DYNC1I2: variants seen among roughly 807,000 people sequenced by gnomAD.
DYNC1I2 encodes the protein dynein cytoplasmic 1 intermediate chain 2, also known as cytoplasmic dynein 1 intermediate chain 2.
Under a neutral mutation model 88.6 loss-of-function variants are expected in DYNC1I2, and 53 were observed. That is an observed-to-expected ratio of 0.60 (90% CI 0.48 to 0.75). The LOEUF (loss-of-function observed/expected upper bound fraction) is 0.75. Among genes scored for constraint, DYNC1I2 ranks in the 30% least tolerant of loss-of-function variants. DYNC1I2 has a pLI of 0.00. For synonymous variants in DYNC1I2, 198 were observed against 254.6 expected (o/e 0.78, Z 2.12); for missense variants, 458 against 766.6 (o/e 0.60, Z 4.75).
In DYNC1I2 at chr2:171,745,815, G is replaced by A. The variant is rs765487214; in HGVS notation, c.1691G>A (p.Ser564Asn). 76 of 1,613,314 alleles carry A rather than the reference G, an allele frequency of 4.7e-5. No individual in the cohort carries two copies. Among genetic ancestry groups the A allele is most frequent in the Non-Finnish European group, 6.4e-5 (75 of 1,179,470 alleles). Residue 564 changes from serine (S) to asparagine (N), a missense_variant, in exon 17 of 18, where the codon AGC becomes AAC. Physicochemically the swap from Ser to Asn is conservative, Grantham distance 46. Coordinates refer to ENST00000397119, the MANE Select transcript of DYNC1I2 (RefSeq NM_001378.3). ...AAATGACTTTAGGTACCAACTGCCA[G>A]CATTTCTGTGGAGGGTAATCCTGCT... ...LNNDTEVPTA[S>N]ISVEGNPALN...
At chr2:171,741,780 T>A (rs1689442254) in intron 15 of DYNC1I2, among the ~76,000 whole-genome samples, 1 of 152,184 alleles carries the variant, frequency 6.6e-6, no homozygotes, top group Non-Finnish European at 1.5e-5. Context: ...GTATGCTTCC[T>A]TTAAGAGTTT....
chr2:171,738,565 G>A (rs545188897), intron 15 of DYNC1I2, among the ~76,000 whole-genome samples: 1 of 152,284 alleles, frequency 6.6e-6, no homozygotes, highest in Admixed American at 6.5e-5. Context: ...CATAATTGTA[G>A]ATGTCTTTTG....
Position 171,728,373 on chromosome 2 carries a change from T to C in DYNC1I2, c.1212T>C (p.Asp404=), listed in dbSNP as rs1228935788. The change falls in exon 13 of 18, where the codon GAT becomes GAC. Residue 404 remains aspartate (D), a synonymous_variant. Coordinates refer to ENST00000397119, the MANE Select transcript of DYNC1I2 (RefSeq NM_001378.3). ...ACAATCTGATTAGCATCTCTACTGA[T>C]GGAAAAATTTGTTCATGGAGTCTGG... ...NAHNLISIST[D]GKICSWSLDM... The C allele has an allele frequency of 6.2e-7, 1 of 1,606,324 alleles. No individual in the cohort carries two copies. Among genetic ancestry groups the C allele is most frequent in the Non-Finnish European group, 8.5e-7 (1 of 1,177,320 alleles).
Position 171,726,932 on chromosome 2 carries a change from A to C in DYNC1I2, c.996+16A>C, listed in dbSNP as rs770962848. 1.3e-6 allele frequency: 2 copies of C among 1,585,214 alleles called. No individual in the cohort carries two copies. Among genetic ancestry groups the C allele is most frequent in the African/African-American group, 1.4e-5 (1 of 73,488 alleles). ...TCACTGCCAGGTATGGTGGTCTTTT[A>C]ACAGTCTTCGCCTCAAGTTTAAGAA... On this transcript the variant is annotated intron_variant, in intron 11 of 17. Coordinates refer to ENST00000397119, the MANE Select transcript of DYNC1I2 (RefSeq NM_001378.3).
At chr2:171,739,587 C>A (rs1273414005) in intron 15 of DYNC1I2, among the ~76,000 whole-genome samples, 1 of 151,476 alleles carries the variant, frequency 6.6e-6, no homozygotes, top group Non-Finnish European at 1.5e-5. Flanking sequence ...TGAACATTGG[C>A]TCCTTATTTT....
chr2:171,691,873 C>T (rs1005174262), intron 2 of DYNC1I2, among the ~76,000 whole-genome samples: 1 of 152,126 alleles, frequency 6.6e-6, no homozygotes, highest in African/African-American at 2.4e-5. Context: ...AAAAATGTTA[C>T]AAGAGATAAT....
At chr2:171,743,829 C>T (rs1689607164) in intron 15 of DYNC1I2, among the ~76,000 whole-genome samples, 2 of 152,102 alleles carry the variant, frequency 1.3e-5, no homozygotes, top group South Asian at 4.1e-4. Context: ...ATGGCATCTA[C>T]AAGTTAAAAA....
At chr2:171,702,730 G>T (rs1559369963) in intron 3 of DYNC1I2, among the ~76,000 whole-genome samples, 1 of 144,820 alleles carries the variant, frequency 6.9e-6, no homozygotes, top group Non-Finnish European at 1.5e-5. Flanking sequence ...TTTGCTGGTA[G>T]TTTTTTTTTT....
intron 4 of DYNC1I2, 187 bp from the exon 5 acceptor site, chr2:171,707,100 A>C: frequency 2.6e-5 from 19 of 741,306 alleles, no homozygotes; most frequent in Non-Finnish European, 3.8e-5. Context: ...TTCAGCATGC[A>C]TTGTTAACTT....
intron 3 of DYNC1I2, among the ~76,000 whole-genome samples, chr2:171,697,509 C>G (rs1246880532): frequency 6.6e-6 from 1 of 151,984 alleles, no homozygotes; most frequent in African/African-American, 2.4e-5. Flanking sequence ...TTTAAAAGCT[C>G]AATTTTGATC....
At chr2:171,692,738 A>G (rs6433311) in intron 2 of DYNC1I2, 39 bp from the exon 3 acceptor site, 1,036,665 of 1,425,712 alleles carry the variant, frequency 0.73, 379,526 homozygotes, top group South Asian at 0.83. Flanking sequence ...AATTTTTCAT[A>G]CTATATGTAA....
intron 3 of DYNC1I2, among the ~76,000 whole-genome samples, chr2:171,695,467 G>GTA (rs1394759763): frequency 2.6e-5 from 4 of 151,998 alleles, no homozygotes; most frequent in African/African-American, 9.7e-5. Flanking sequence ...ATATCTCTGT[G>GTA]TATATATACT....
chr2:171,736,183 T>C (rs1688991817), intron 15 of DYNC1I2, among the ~76,000 whole-genome samples: 2 of 152,326 alleles, frequency 1.3e-5, no homozygotes, highest in South Asian at 4.1e-4. Context: ...TGGGTGTTCT[T>C]AGGGAAGGCT....
chr2:171,713,310 GTGAA>G (rs1412525779), intron 6 of DYNC1I2, among the ~76,000 whole-genome samples: 1 of 151,996 alleles, frequency 6.6e-6, no homozygotes, highest in African/African-American at 2.4e-5. Flanking sequence ...AAATAAATGA[GTGAA>G]TGAATGGATT....
chr2:171,745,128 A>C (rs187723616), intron 16 of DYNC1I2, among the ~76,000 whole-genome samples: 80 of 152,314 alleles, frequency 5.3e-4, no homozygotes, highest in African/African-American at 1.8e-3. Flanking sequence ...TTTTTTAAAA[A>C]TTTTATCATA....
intron 7 of DYNC1I2, among the ~76,000 whole-genome samples, chr2:171,724,547 A>G (rs1340322387): frequency 6.6e-6 from 1 of 152,178 alleles, no homozygotes; most frequent in East Asian, 1.9e-4. Context: ...TGCTGGGACC[A>G]TGACTTGGCA....
chr2:171,703,206 T>C (rs557755980), intron 3 of DYNC1I2, among the ~76,000 whole-genome samples: 1 of 152,368 alleles, frequency 6.6e-6, no homozygotes, highest in African/African-American at 2.4e-5. Flanking sequence ...AAAGCCATTC[T>C]GCTTTAGGAC....
intron 11 of DYNC1I2, among the ~76,000 whole-genome samples, 176 bp from the exon 12 acceptor site, chr2:171,727,645 A>T (rs1688338494): frequency 6.6e-6 from 1 of 152,138 alleles, no homozygotes; most frequent in Non-Finnish European, 1.5e-5. Flanking sequence ...TATCTTAAAG[A>T]TATATTTTTA....
intron 7 of DYNC1I2, among the ~76,000 whole-genome samples, chr2:171,718,599 A>G (rs915767370): frequency 6.6e-6 from 1 of 151,790 alleles, no homozygotes; most frequent in Non-Finnish European, 1.5e-5. Context: ...ACGCCCGGCT[A>G]ATTTTTTGTA....
Sources: allele counts gnomAD v4.1 joint callset (sites outside exome capture counted in the v4.1 genomes callset), GRCh38; gene constraint gnomAD v4.1.1; transcripts MANE v1.5; gene names NCBI Gene and HGNC (gene_info 2026-07-23, HGNC 2026-07-21).